The following IFI27L1 variants were observed in gnomAD, a reference collection of about 807,000 sequenced individuals.
IFI27L1 encodes interferon alpha inducible protein 27 like 1, also known as interferon alpha-inducible protein 27-like protein 1.
In IFI27L1, 3 loss-of-function variants were observed where a neutral mutation model predicts 9.2. The ratio of observed to expected loss-of-function variants is 0.32; its 90% confidence interval spans 0.15 to 0.84. The LOEUF (loss-of-function observed/expected upper bound fraction) is 0.84. Ranked by LOEUF, IFI27L1 falls within the 40% of genes least tolerant of loss-of-function variation. IFI27L1 has a pLI of 0.56. For missense variants in IFI27L1, 133 were observed against 134.2 expected, an observed-to-expected ratio of 0.99 and a Z score of 0.05; for synonymous variants, 53 against 50.0, an observed-to-expected ratio of 1.06 and a Z score of -0.26.
intron 1 of IFI27L1, chr14:94,088,190 G>T (rs562630002): frequency 5.7e-6 from 4 of 698,678 alleles, no homozygotes; most frequent in African/African-American, 1.7e-5. Context: ...GGACACAGGG[G>T]CTGTGCTTCG....
chr14:94,101,495 G>C, intron 3 of IFI27L1: 1 of 403,506 alleles, frequency 2.5e-6, no homozygotes, highest in Admixed American at 4.1e-5. Context: ...TGTTTTCCTT[G>C]CCAAAAGGGA....
rs373841703 is a variant in IFI27L1, at chr14:94,098,145, CAA to C, written c.28+1182_28+1183del. Among the ~76,000 whole-genome samples, 293 of 152,270 alleles carry C rather than the reference CAA, an allele frequency of 1.9e-3. 1 individual carries two copies. The highest frequency in any genetic ancestry group is 6.7e-3 in the African/African-American group (280 of 41,536). On this transcript the variant is annotated intron_variant, in intron 2 of 4. Transcript: ENST00000555523. ...GTGTCGGCTTCTAGGGCTGCTGTCACAAAGGTCCATGGATTGAATGGCTTAAA... is the reference window on the plus strand; with the variant it reads ...GTGTCGGCTTCTAGGGCTGCTGTCACAGGTCCATGGATTGAATGGCTTAAA...
chr14:94,089,902 GGCAAGGACCAT>G (rs1886412648), intron 1 of IFI27L1, among the ~76,000 whole-genome samples: 2 of 152,156 alleles, frequency 1.3e-5, no homozygotes, highest in Non-Finnish European at 2.9e-5. Context: ...GTGTCGGTAT[GGCAAGGACCAT>G]TCATAACTCT....
Position 94,096,979 on chromosome 14 carries a change from A to T in IFI27L1, c.28+14A>T. On this transcript the variant is annotated intron_variant, in intron 2 of 4. Coordinates refer to ENST00000555523, the MANE Select transcript of IFI27L1 (RefSeq NM_206949.3). ...GATGGGACTCAGGTGGGTACTGCAC[A>T]TGATTCTGGGGGCTGCTGGTCCTTC... 2 of 1,606,834 alleles carry T rather than the reference A, an allele frequency of 1.2e-6. No individual in the cohort carries two copies. The highest frequency in any genetic ancestry group is 1.7e-6 in the Non-Finnish European group (2 of 1,175,660).
chr14:94,088,130 C>A, intron 1 of IFI27L1: 1 of 638,550 alleles, frequency 1.6e-6, no homozygotes, highest in Non-Finnish European at 2.8e-6. Context: ...CTGCAAATGA[C>A]CTGAATTGTG....
At chr14:94,100,234 A>G in intron 2 of IFI27L1, 1 of 979,704 alleles carries the variant, frequency 1.0e-6, no homozygotes, top group Non-Finnish European at 1.2e-6. Context: ...AAGAAATGGC[A>G]GGGAGTGATG....
At chr14:94,101,621 G>A (rs1019337684) in intron 3 of IFI27L1, among the ~76,000 whole-genome samples, 193 bp from the exon 4 acceptor site, 2 of 152,228 alleles carry the variant, frequency 1.3e-5, no homozygotes, top group African/African-American at 4.8e-5. Context: ...AACAAGCCTG[G>A]GATTCAGATT....
chr14:94,088,430 G>A, intron 1 of IFI27L1: 1 of 685,616 alleles, frequency 1.5e-6, no homozygotes. Flanking sequence ...TTAGGGTGGA[G>A]CCACATTCTG....
At chr14:94,097,263 G>A (rs949487373) in intron 2 of IFI27L1, among the ~76,000 whole-genome samples, 1 of 152,222 alleles carries the variant, frequency 6.6e-6, no homozygotes, top group African/African-American at 2.4e-5. Context: ...GGCTACAAGT[G>A]TGGCATCAGC....
intron 4 of IFI27L1, 85 bp from the exon 5 acceptor site, chr14:94,102,392 G>A: frequency 1.3e-6 from 1 of 793,960 alleles, no homozygotes. Context: ...GGTCTCTGGA[G>A]GGACCAGGGT....
intron 1 of IFI27L1, among the ~76,000 whole-genome samples, chr14:94,086,067 G>A (rs1040693397): frequency 1.3e-5 from 2 of 152,188 alleles, no homozygotes; most frequent in African/African-American, 4.8e-5. Flanking sequence ...GGGTCTGGTG[G>A]GAGGTGTTTG....
intron 1 of IFI27L1, among the ~76,000 whole-genome samples, chr14:94,092,293 C>G (rs1244166454): frequency 6.6e-6 from 1 of 152,014 alleles, no homozygotes; most frequent in African/African-American, 2.4e-5. Flanking sequence ...GTGGGCGGAT[C>G]ACGAGGTCAG....
chr14:94,100,908 T>C (rs1886870800), intron 3 of IFI27L1, 137 bp downstream of exon 3: 1 of 942,770 alleles, frequency 1.1e-6, no homozygotes. Context: ...GGCAGAGTGA[T>C]GGGGACCTTA....
rs144879840 is a variant in IFI27L1, at chr14:94,090,588, T to A, written c.-51-6299T>A. Among the ~76,000 whole-genome samples, 32 of 152,346 alleles carry A rather than the reference T, an allele frequency of 2.1e-4. 2 individuals carry two copies. The East Asian group carries it at 6.2e-3, about 29-fold the overall frequency. ...TACGAGTTTGGGTAAATTCCTCTCC[T>A]TAAGAGGTTTCAAGATAACTTGGGG... On this transcript the variant is annotated intron_variant, in intron 1 of 4. Coordinates refer to ENST00000555523, the MANE Select transcript of IFI27L1 (RefSeq NM_206949.3).
chr14:94,090,067 C>T (rs778364142), intron 1 of IFI27L1, among the ~76,000 whole-genome samples: 6 of 152,108 alleles, frequency 3.9e-5, no homozygotes, highest in African/African-American at 7.2e-5. Flanking sequence ...CAAAATTATC[C>T]CAAGTAAACT....
intron 2 of IFI27L1, chr14:94,097,790 A>G (rs1360479992): frequency 6.0e-6 from 4 of 670,786 alleles, no homozygotes; most frequent in Admixed American, 2.1e-5. Context: ...TGCCCTTTAC[A>G]GAGGCTGGGC....
intron 3 of IFI27L1, chr14:94,101,383 C>A (rs1312148277): frequency 1.7e-5 from 4 of 233,354 alleles, no homozygotes; most frequent in Non-Finnish European, 3.3e-5. Flanking sequence ...CCTAGAGGAC[C>A]CCCGCGTGCT....
chr14:94,091,856 G>C (rs1886487734), intron 1 of IFI27L1, among the ~76,000 whole-genome samples: 1 of 151,848 alleles, frequency 6.6e-6, no homozygotes, highest in African/African-American at 2.4e-5. Context: ...GGGTGTGGTG[G>C]CTCACACCTG....
At chr14:94,097,873 CA>C (rs1357348397) in intron 2 of IFI27L1, among the ~76,000 whole-genome samples, 1 of 152,116 alleles carries the variant, frequency 6.6e-6, no homozygotes, top group Non-Finnish European at 1.5e-5. Context: ...AGGTGCTTCT[CA>C]GATACCCAAG....
Sources: gnomAD v4.1 joint callset for allele counts (sites outside exome capture counted in the v4.1 genomes callset) on GRCh38, gnomAD v4.1.1 for gene constraint, MANE v1.5 for transcripts, NCBI Gene and HGNC (gene_info 2026-07-23, HGNC 2026-07-21) for gene names.